Variants in GPRC5B observed in about 807,000 individuals in gnomAD.
GPRC5B encodes G protein-coupled receptor family C group 5 member B.
Under a neutral mutation model 30.1 loss-of-function variants are expected in GPRC5B, and 16 were observed. That is an observed-to-expected ratio of 0.53 (90% confidence interval 0.36 to 0.81). The LOEUF (loss-of-function observed/expected upper bound fraction) is 0.81, where lower values mean the gene tolerates loss of function less well. Among genes scored for constraint, GPRC5B ranks in the 30% least tolerant of loss-of-function variants. GPRC5B has a pLI of 0.01. For synonymous variants in GPRC5B, 241 were observed against 239.5 expected, an observed-to-expected ratio of 1.01 and a Z score of -0.06; for missense variants, 428 against 544.7, an observed-to-expected ratio of 0.79 and a Z score of 2.13.
intron 2 of GPRC5B, among the ~76,000 whole-genome samples, chr16:19,871,324 CA>C (rs922773561): frequency 8.7e-6 from 1 of 115,602 alleles, no homozygotes; most frequent in African/African-American, 3.4e-5. Flanking sequence ...AAACAAAAAA[CA>C]AAAAACCCAA....
intron 1 of GPRC5B, chr16:19,881,069 G>C (rs1276458840): frequency 6.6e-6 from 1 of 152,200 alleles, no homozygotes; most frequent in Non-Finnish European, 1.5e-5. Context: ...ATATTTAATA[G>C]TTCAGTGCCC....
Position 19,861,953 on chromosome 16 carries a change from G to A in GPRC5B, c.1051C>T (p.Pro351Ser). The change falls in exon 3 of 4, where the codon CCC (proline) becomes TCC (serine). Residue 351 changes from proline (P) to serine (S), a missense_variant. Physicochemically the swap from Pro to Ser is moderately conservative, Grantham distance 74 (BLOSUM62 -1). This residue lies in a region of GPRC5B where 213 missense variants were observed against 229.1 expected (regional missense o/e 0.93). Coordinates refer to ENST00000300571, the MANE Select transcript of GPRC5B (RefSeq NM_016235.3). ...GGTCTTTTTCCCAAGCTGCCGTTGG[G>A]AAATCCTGCTGTTCGGAGAGCTGGG... ...HNAALRTAGF[P>S]NGSLGKRPSG... 2 of 1,613,958 alleles carry A rather than the reference G, an allele frequency of 1.2e-6. No homozygotes were observed. The highest frequency in any genetic ancestry group is 1.3e-5 in the African/African-American group (1 of 75,036).
rs200495483 is a variant in GPRC5B, at chr16:19,872,647, C to T, written c.199G>A (p.Ala67Thr). 245 of 1,613,992 alleles carry T rather than the reference C, an allele frequency of 1.5e-4. 1 individual carries two copies. In the South Asian group the frequency reaches 1.8e-3, roughly 12 times the overall value. Reference protein sequence around the residue: ...IVVEAVAGAGALITLLLMLIL... With the variant: ...IVVEAVAGAGTLITLLLMLIL... The stretch of plus-strand genomic sequence containing the variant: ...AGCATCAGGAGCAGTGTGATCAGGG[C>T]GCCCGCCCCGGCCACCGCCTCCACC... The change falls in exon 2 of 4, where the codon GCC (alanine) becomes ACC (threonine). Residue 67 changes from alanine (A) to threonine (T), a missense_variant. Physicochemically the swap from Ala to Thr is moderately conservative, Grantham distance 58. This residue lies in a region of GPRC5B where 196 missense variants were observed against 272.6 expected (regional missense o/e 0.72). Transcript: ENST00000300571. The surrounding 1 kb of genome is among the most constrained non-coding windows in gnomAD (Gnocchi z 5.0).
upstream of GPRC5B, chr16:19,884,895 C>T: frequency 1.0e-6 from 1 of 976,986 alleles, no homozygotes; most frequent in Non-Finnish European, 1.2e-6. Context: ...GCCCGGCCCG[C>T]GCTGCTGCAG....
At chr16:19,877,293 C>A (rs1371940020) in intron 1 of GPRC5B, among the ~76,000 whole-genome samples, 3 of 152,204 alleles carry the variant, frequency 2.0e-5, no homozygotes, top group African/African-American at 7.2e-5. Flanking sequence ...GGGTTTCTGT[C>A]ACTTACCAAC....
chr16:19,868,890 G>A (rs1258113613), intron 2 of GPRC5B, among the ~76,000 whole-genome samples: 1 of 152,326 alleles, frequency 6.6e-6, no homozygotes, highest in East Asian at 1.9e-4. Flanking sequence ...GAATGTCACT[G>A]AAGAGGGAAT....
chr16:19,872,584 C>G lies in GPRC5B; in HGVS notation c.262G>C (p.Glu88Gln), dbSNP rs758058099. ...LVRLPFIKEK[E>Q]KKSPVGLHFL... ...TGGAGGCCCACAGGGCTCTTCTTCT[C>G]CTTCTCCTTGATGAAGGGCAGCCGC... Residue 88 changes from glutamate to glutamine, a missense_variant, in exon 2 of 4, where the codon GAG (glutamate) becomes CAG (glutamine). By Grantham distance (29) the Glu-to-Gln change is conservative. Around this residue, in one of 3 missense-constraint regions of GPRC5B, gnomAD observed 196 missense variants for 272.6 expected, o/e 0.72. Transcript: ENST00000300571. The surrounding 1 kb of genome is among the most constrained non-coding windows in gnomAD (Gnocchi z 5.0). The G allele has an allele frequency of 6.2e-7, 1 of 1,613,992 alleles. No homozygotes were observed. The highest frequency in any genetic ancestry group is 1.3e-5 in the African/African-American group (1 of 75,038).
chr16:19,868,519 C>T (rs1325337828), intron 2 of GPRC5B, among the ~76,000 whole-genome samples: 1 of 152,188 alleles, frequency 6.6e-6, no homozygotes, highest in Non-Finnish European at 1.5e-5. Flanking sequence ...TGACCAGCTC[C>T]CGATCTCTGC....
rs111848225 is a variant in GPRC5B, at chr16:19,878,887, G to A, written c.-2+5840C>T. ...TGGCAAAAGCAGCAACATCGCCCTG[G>A]AGCTCTTTAGAAATGCAGATTCTCA... On this transcript the variant is annotated intron_variant, in intron 1 of 3. Coordinates refer to ENST00000300571, the MANE Select transcript of GPRC5B (RefSeq NM_016235.3). Among the ~76,000 whole-genome samples the A allele has an allele frequency of 8.7e-3, 1,321 of 152,000 alleles. 18 individuals are homozygous for A. Among genetic ancestry groups the A allele is most frequent in the African/African-American group, 0.03 (1,258 of 41,312 alleles).
Position 19,858,785 on chromosome 16 carries a change from GA to G in GPRC5B, c.*1714del, listed in dbSNP as rs745919773. On this transcript the variant is annotated 3_prime_UTR_variant, in exon 4 of 4. Coordinates refer to ENST00000300571, the MANE Select transcript of GPRC5B (RefSeq NM_016235.3). ...TGGGCAGAGGCGGGGTGCTTCCGGG[GA>G]GGTCAGGTGGGGGTGGCATTCTGGG... 3 of 387,398 alleles carry G rather than the reference GA, an allele frequency of 7.7e-6. No homozygotes were observed. The highest frequency in any genetic ancestry group is 1.4e-5 in the Non-Finnish European group (3 of 219,384). 24.0% of individuals were successfully genotyped at this position (387,398 alleles called of 1,614,324 possible). A position where few individuals can be genotyped will look rare whatever the true frequency, so the allele number is the denominator to read the frequency against.
upstream of GPRC5B, chr16:19,885,135 C>T: frequency 6.2e-6 from 7 of 1,124,706 alleles, no homozygotes; most frequent in South Asian, 9.0e-5. The surrounding 1 kb of genome is among the most constrained non-coding windows in gnomAD (Gnocchi z 5.3). Flanking sequence ...GTAAGCAGTC[C>T]AGACGAGCCG....
chr16:19,861,514 T>C (rs2141137447), intron 3 of GPRC5B, among the ~76,000 whole-genome samples: 1 of 152,266 alleles, frequency 6.6e-6, no homozygotes, highest in Admixed American at 6.5e-5. Flanking sequence ...GGGCGCTCCA[T>C]CATTCTGGGC....
chr16:19,858,564 A>C lies in GPRC5B; in HGVS notation c.*1936T>G, dbSNP rs754814379. The C allele has an allele frequency of 3.0e-4, 201 of 681,214 alleles. No homozygotes were observed. The highest frequency in any genetic ancestry group is 5.0e-4 in the Admixed American group (23 of 46,266). 42.2% of individuals were successfully genotyped at this position (681,214 alleles called of 1,614,324 possible). On this transcript the variant is annotated 3_prime_UTR_variant, in exon 4 of 4. Transcript: ENST00000300571. ...CCATTTCCTGGCACGAGAATGTGTA[A>C]TGCTGTCGTTTTTTCACCGGACAGG...
chr16:19,884,903 C>T, upstream of GPRC5B: 1 of 971,940 alleles, frequency 1.0e-6, no homozygotes. Flanking sequence ...CGCGCTGCTG[C>T]AGCGGCCGCG....
chr16:19,871,017 G>C (rs2056712948), intron 2 of GPRC5B, among the ~76,000 whole-genome samples: 1 of 151,886 alleles, frequency 6.6e-6, no homozygotes, highest in Non-Finnish European at 1.5e-5. Flanking sequence ...CTGAGGCTGA[G>C]CATAGTGGCT....
intron 1 of GPRC5B, among the ~76,000 whole-genome samples, chr16:19,884,240 GC>G (rs1187175182): frequency 7.0e-6 from 1 of 142,396 alleles, no homozygotes; most frequent in Non-Finnish European, 1.5e-5. Flanking sequence ...TTGACCCCCA[GC>G]CCCCGCGACA....
intron 1 of GPRC5B, among the ~76,000 whole-genome samples, chr16:19,882,839 C>T (rs954340192): frequency 1.3e-5 from 2 of 152,154 alleles, no homozygotes; most frequent in Non-Finnish European, 1.5e-5. Context: ...CAGCTCCAGC[C>T]ACAATGGCCT....
chr16:19,885,054 A>C (rs546949916), upstream of GPRC5B: 1 of 685,928 alleles, frequency 1.5e-6, no homozygotes, highest in Non-Finnish European at 2.2e-6. This position sits in a 1 kb window ranked among gnomAD's most constrained non-coding sequence, Gnocchi z 5.3. Flanking sequence ...TCTAGCCCGG[A>C]TCTCAGAGAC....
intron 2 of GPRC5B, among the ~76,000 whole-genome samples, chr16:19,869,288 C>T (rs2056692943): frequency 6.8e-6 from 1 of 147,388 alleles, no homozygotes; most frequent in Non-Finnish European, 1.5e-5. Context: ...GAGATAGAGC[C>T]ACTGCACTCC....
Sources: gnomAD v4.1 joint callset for allele counts (sites outside exome capture counted in the v4.1 genomes callset) on GRCh38, gnomAD v4.1.1 for gene constraint, gnomAD v4.1.1 regional missense constraint, Gnocchi (gnomAD v3.1) non-coding constraint, MANE v1.5 for transcripts, NCBI Gene and HGNC (gene_info 2026-07-23, HGNC 2026-07-21) for gene names.